Variants in MPPED2 observed in about 807,000 individuals in gnomAD.
MPPED2 encodes metallophosphoesterase domain containing 2, also known as metallophosphoesterase MPPED2.
Under a neutral mutation model 33.0 loss-of-function variants are expected in MPPED2, and 5 were observed. The observed-to-expected ratio is 0.15, with a 90% CI of 0.08 to 0.32. The LOEUF is 0.32. MPPED2 is among the 10% of genes least tolerant of loss of function. The pLI is 1.00. For synonymous variants in MPPED2, 136 were observed against 141.9 expected, an observed-to-expected ratio of 0.96 and a Z score of 0.29; for missense variants, 275 against 372.1, an observed-to-expected ratio of 0.74 and a Z score of 2.15.
chr11:30,471,895 A>G (rs1317212259), intron 4 of MPPED2, among the ~76,000 whole-genome samples: 1 of 152,190 alleles, frequency 6.6e-6, no homozygotes, highest in Non-Finnish European at 1.5e-5. Context: ...AAGGACAACT[A>G]ATCAATTTAA....
intron 4 of MPPED2, among the ~76,000 whole-genome samples, chr11:30,422,985 G>C (rs1388757956): frequency 1.3e-5 from 2 of 152,196 alleles, no homozygotes; most frequent in Non-Finnish European, 2.9e-5. Flanking sequence ...TCCAGGGGCA[G>C]GGGCTAAGGG....
intron 4 of MPPED2, among the ~76,000 whole-genome samples, chr11:30,442,281 T>C (rs531699462): frequency 3.6e-4 from 54 of 151,990 alleles, no homozygotes; most frequent in African/African-American, 1.1e-3. Context: ...CCCAACTAAT[T>C]AGATCTACAT....
chr11:30,520,598 A>G (rs1953816681), intron 3 of MPPED2, among the ~76,000 whole-genome samples: 1 of 152,280 alleles, frequency 6.6e-6, no homozygotes, highest in African/African-American at 2.4e-5. Flanking sequence ...ATTGTCTTAT[A>G]TGTCATTTTC....
chr11:30,405,185 A>G (rs1003614565), intron 6 of MPPED2, among the ~76,000 whole-genome samples: 2 of 152,224 alleles, frequency 1.3e-5, no homozygotes, highest in East Asian at 1.9e-4. Flanking sequence ...AGCCCATGCA[A>G]ACAGGGAGCA....
At chr11:30,522,318 A>T (rs1953915369) in intron 3 of MPPED2, among the ~76,000 whole-genome samples, 1 of 152,118 alleles carries the variant, frequency 6.6e-6, no homozygotes, top group Admixed American at 6.6e-5. Context: ...CTTAGGAAAG[A>T]TACATTGAAA....
At chr11:30,448,911 C>T (rs1949930518) in intron 4 of MPPED2, among the ~76,000 whole-genome samples, 1 of 152,124 alleles carries the variant, frequency 6.6e-6, no homozygotes, top group African/African-American at 2.4e-5. Flanking sequence ...GCCTCGGCCT[C>T]CCAAAGTGCT....
chr11:30,483,740 A>C (rs1951599021), intron 4 of MPPED2, among the ~76,000 whole-genome samples: 1 of 152,120 alleles, frequency 6.6e-6, no homozygotes, highest in African/African-American at 2.4e-5. Flanking sequence ...TCTGTCTTTG[A>C]CAATCCTCTT....
chr11:30,570,071 T>G (rs1030641383), intron 2 of MPPED2, among the ~76,000 whole-genome samples: 1 of 152,182 alleles, frequency 6.6e-6, no homozygotes, highest in Non-Finnish European at 1.5e-5. Flanking sequence ...TTATATTCCC[T>G]GCCTACCTGC....
intron 4 of MPPED2, among the ~76,000 whole-genome samples, chr11:30,423,214 G>A (rs76071254): frequency 2.9e-3 from 440 of 152,232 alleles, no homozygotes; most frequent in Non-Finnish European, 4.2e-3. Flanking sequence ...GGCTGGGTGC[G>A]TCCTAGGAAA....
intron 4 of MPPED2, among the ~76,000 whole-genome samples, chr11:30,486,059 C>T (rs1951730759): frequency 6.6e-6 from 1 of 152,196 alleles, no homozygotes; most frequent in Admixed American, 6.5e-5. Context: ...AACCTCATCT[C>T]TCCAAATATA....
intron 4 of MPPED2, among the ~76,000 whole-genome samples, chr11:30,455,134 A>C (rs1420148478): frequency 6.6e-6 from 1 of 152,240 alleles, no homozygotes; most frequent in African/African-American, 2.4e-5. Context: ...CAGTTGTCCC[A>C]AGAAGTTTTT....
intron 3 of MPPED2, among the ~76,000 whole-genome samples, chr11:30,512,600 C>T (rs750689075): frequency 6.6e-6 from 1 of 152,166 alleles, no homozygotes; most frequent in Non-Finnish European, 1.5e-5. Context: ...ATCACTGCCC[C>T]AGAACCGGGA....
chr11:30,578,649 C>T (rs1192836244), intron 2 of MPPED2, among the ~76,000 whole-genome samples: 1 of 152,150 alleles, frequency 6.6e-6, no homozygotes, highest in Admixed American at 6.5e-5. Flanking sequence ...GGGCAAAACA[C>T]ACTTTGTTTT....
At chr11:30,525,863 A>G (rs956140160) in intron 3 of MPPED2, among the ~76,000 whole-genome samples, 11 of 152,250 alleles carry the variant, frequency 7.2e-5, no homozygotes, top group Non-Finnish European at 1.6e-4. Flanking sequence ...ATGGCTGCCC[A>G]TAACACAGAG....
intron 4 of MPPED2, among the ~76,000 whole-genome samples, chr11:30,489,777 C>T (rs562722601): frequency 6.6e-6 from 1 of 152,320 alleles, no homozygotes; most frequent in African/African-American, 2.4e-5. Context: ...CCACGGGAGA[C>T]CAGCTCTGTA....
At chr11:30,385,254 G>T (rs1246094092) in exon 7 of MPPED2, 4 of 152,166 alleles carry the variant, frequency 2.6e-5, no homozygotes, top group African/African-American at 9.7e-5. Flanking sequence ...TACTAGTTTA[G>T]GTGAAGCAAA....
intron 4 of MPPED2, among the ~76,000 whole-genome samples, chr11:30,476,391 T>TA (rs945657300): frequency 1.3e-5 from 2 of 152,012 alleles, no homozygotes; most frequent in African/African-American, 4.8e-5. Context: ...TTTCATTTTT[T>TA]AAAAAAATTT....
At chr11:30,473,085 T>A (rs1951018257) in intron 4 of MPPED2, among the ~76,000 whole-genome samples, 1 of 152,160 alleles carries the variant, frequency 6.6e-6, no homozygotes, top group African/African-American at 2.4e-5. Context: ...AAGCCACTGT[T>A]CCAAAAAAGT....
chr11:30,520,041 A>C (rs2134367074), intron 3 of MPPED2, among the ~76,000 whole-genome samples: 1 of 152,296 alleles, frequency 6.6e-6, no homozygotes, highest in East Asian at 1.9e-4. Context: ...TCTCTTCAAA[A>C]CCAAAAGGAG....
Sources: gnomAD v4.1 joint callset for allele counts (sites outside exome capture counted in the v4.1 genomes callset) on GRCh38, gnomAD v4.1.1 for gene constraint, MANE v1.5 for transcripts, NCBI Gene and HGNC (gene_info 2026-07-23, HGNC 2026-07-21) for gene names.